The following DEPTOR variants were observed in gnomAD, a reference collection of about 807,000 sequenced individuals.
DEPTOR encodes DEP domain-containing mTOR-interacting protein.
In DEPTOR, 41 loss-of-function variants were observed where a neutral mutation model predicts 41.6. The ratio of observed to expected loss-of-function variants is 0.98; its 90% CI spans 0.77 to 1.28. DEPTOR has a LOEUF of 1.28. DEPTOR is among the 50% of genes most tolerant of loss of function. DEPTOR has a pLI of 0.00. For synonymous variants in DEPTOR, 195 were observed against 192.3 expected (o/e 1.01, Z -0.12); for missense variants, 514 against 527.9 (o/e 0.97, Z 0.26).
rs190197442 is a variant in DEPTOR at position 119,929,658 on chromosome 8, G to A, written c.302-157G>A. The stretch of plus-strand genomic sequence containing the variant: ...GGACTTACTCTGTACCAAGTACTAT[G>A]TAACTATTTTACAAGTATTAGCTCA... On this transcript the variant is annotated intron_variant, in intron 2 of 8. Transcript: ENST00000286234. 4.2e-4 allele frequency among the ~76,000 whole-genome samples: 64 copies of A among 152,246 alleles called. 1 individual carries two copies. The East Asian group carries it at 0.012, about 28-fold the overall frequency.
intron 1 of DEPTOR, among the ~76,000 whole-genome samples, chr8:119,891,600 C>T (rs183622313): frequency 6.6e-6 from 1 of 152,316 alleles, no homozygotes; most frequent in Admixed American, 6.5e-5. Context: ...CTCACTCCTT[C>T]ACCCCAAACC....
intron 1 of DEPTOR, among the ~76,000 whole-genome samples, chr8:119,895,513 G>A (rs890822526): frequency 2.0e-5 from 3 of 152,188 alleles, no homozygotes; most frequent in South Asian, 4.1e-4. Flanking sequence ...TCCTCAGGGG[G>A]TACCCTATCC....
intron 1 of DEPTOR, among the ~76,000 whole-genome samples, chr8:119,917,909 T>G (rs922020926): frequency 1.2e-4 from 19 of 152,386 alleles, no homozygotes; most frequent in African/African-American, 4.6e-4. Context: ...GCAGCAATAC[T>G]GCTCTTTAAG....
intron 3 of DEPTOR, among the ~76,000 whole-genome samples, chr8:119,959,972 G>A (rs553583586): frequency 3.9e-5 from 6 of 152,136 alleles, no homozygotes; most frequent in Admixed American, 6.5e-5. Context: ...GCTCACACCC[G>A]TAATCCCAGC....
chr8:119,983,409 G>C (rs1034917916), intron 4 of DEPTOR, among the ~76,000 whole-genome samples: 2 of 151,950 alleles, frequency 1.3e-5, no homozygotes, highest in African/African-American at 4.8e-5. Flanking sequence ...TTTTGAGACA[G>C]AGTCTCACAC....
At chr8:119,989,146 G>A (rs1021404858) in intron 4 of DEPTOR, among the ~76,000 whole-genome samples, 1 of 151,498 alleles carries the variant, frequency 6.6e-6, no homozygotes, top group Admixed American at 6.6e-5. Flanking sequence ...AGCATTTTAT[G>A]GTGGTGAATA....
intron 4 of DEPTOR, among the ~76,000 whole-genome samples, chr8:120,001,303 A>G (rs1812346377): frequency 6.6e-6 from 1 of 152,206 alleles, no homozygotes; most frequent in Non-Finnish European, 1.5e-5. Context: ...AAGCAAGGTC[A>G]GGCAAAGTTC....
rs142175585 is a variant in DEPTOR at position 120,038,629 on chromosome 8, C to T, written c.1102-10947C>T. Among the ~76,000 whole-genome samples, 115 of 149,794 alleles carry T rather than the reference C, an allele frequency of 7.7e-4. No homozygotes were observed. In the East Asian group the frequency reaches 0.012, roughly 16 times the overall value. On this transcript the variant is annotated intron_variant, in intron 8 of 8. Coordinates refer to ENST00000286234, the MANE Select transcript of DEPTOR (RefSeq NM_022783.4). ...AAAAAAGAAAAAAGAAATAAATAAA[C>T]AAATAATAAATAAGAAGAAAAGAAA...
intron 4 of DEPTOR, among the ~76,000 whole-genome samples, chr8:120,001,036 C>T (rs1384600241): frequency 2.0e-5 from 3 of 151,358 alleles, no homozygotes; most frequent in Non-Finnish European, 4.4e-5. Context: ...GAGATCATGC[C>T]ATTGCACTCC....
At chr8:119,980,159 GC>G (rs1828744076) in intron 4 of DEPTOR, among the ~76,000 whole-genome samples, 1 of 131,394 alleles carries the variant, frequency 7.6e-6, no homozygotes, top group Non-Finnish European at 1.6e-5. Context: ...AGTAGAAATA[GC>G]AAAAAAAAAA....
chr8:120,029,982 G>A (rs924045127), intron 8 of DEPTOR, among the ~76,000 whole-genome samples: 6 of 152,170 alleles, frequency 3.9e-5, no homozygotes, highest in African/African-American at 1.4e-4. Flanking sequence ...GCTGATCGCT[G>A]GGGCCTTAAC....
chr8:120,002,789 A>ATAT (rs1200601284), intron 5 of DEPTOR, among the ~76,000 whole-genome samples, 188 bp from the exon 6 acceptor site: 22 of 59,242 alleles, frequency 3.7e-4, no homozygotes, highest in South Asian at 3.6e-3. Flanking sequence ...AAAAAAAAAA[A>ATAT]AAATATATAT....
At chr8:120,036,714 C>G (rs527334298) in intron 8 of DEPTOR, among the ~76,000 whole-genome samples, 1 of 152,088 alleles carries the variant, frequency 6.6e-6, no homozygotes, top group Non-Finnish European at 1.5e-5. Flanking sequence ...GTAAGGAATT[C>G]CTAGATACAA....
chr8:119,965,964 G>A (rs1828553275), intron 4 of DEPTOR, among the ~76,000 whole-genome samples: 1 of 152,106 alleles, frequency 6.6e-6, no homozygotes, highest in South Asian at 2.1e-4. Context: ...TCAGCCCTTT[G>A]TATCTGTGGG....
At chr8:119,996,598 T>C (rs1273517864) in intron 4 of DEPTOR, among the ~76,000 whole-genome samples, 12 of 152,322 alleles carry the variant, frequency 7.9e-5, no homozygotes, top group African/African-American at 2.9e-4. Flanking sequence ...GGATGTAAAC[T>C]AAACACTGGG....
intron 4 of DEPTOR, among the ~76,000 whole-genome samples, chr8:119,979,456 T>G (rs1828735543): frequency 6.6e-6 from 1 of 151,844 alleles, no homozygotes; most frequent in Admixed American, 6.6e-5. Context: ...AGAGACAGGG[T>G]TTTGCAATGT....
At chr8:120,024,325 C>T (rs543501566) in intron 8 of DEPTOR, among the ~76,000 whole-genome samples, 1 of 152,288 alleles carries the variant, frequency 6.6e-6, no homozygotes, top group Non-Finnish European at 1.5e-5. Flanking sequence ...GACATAACCA[C>T]ACATGGGTGT....
intron 6 of DEPTOR, among the ~76,000 whole-genome samples, chr8:120,006,066 T>C (rs1423666442): frequency 2.6e-5 from 4 of 152,198 alleles, no homozygotes; most frequent in African/African-American, 9.6e-5. Context: ...TTTGCAGTTA[T>C]AAAATGGGGA....
intron 8 of DEPTOR, among the ~76,000 whole-genome samples, chr8:120,036,163 A>G (rs562395887): frequency 1.4e-4 from 21 of 152,184 alleles, no homozygotes; most frequent in Non-Finnish European, 2.4e-4. Context: ...GGGAGCCTAG[A>G]TCTTAAACAG....
Sources: gnomAD v4.1 joint callset for allele counts (sites outside exome capture counted in the v4.1 genomes callset) on GRCh38, gnomAD v4.1.1 for gene constraint, MANE v1.5 for transcripts, NCBI Gene and HGNC (gene_info 2026-07-23, HGNC 2026-07-21) for gene names.